KCNIP1: variants seen among roughly 807,000 people sequenced by gnomAD.
KCNIP1 encodes potassium voltage-gated channel interacting protein 1.
Under a neutral mutation model 33.0 loss-of-function variants are expected in KCNIP1, and 18 were observed. That is an observed-to-expected ratio of 0.55 (90% CI 0.38 to 0.81). The LOEUF (loss-of-function observed/expected upper bound fraction) is 0.81, where lower values mean the gene tolerates loss of function less well. Among genes scored for constraint, KCNIP1 ranks in the 30% least tolerant of loss-of-function variants. The pLI is 0.00. For missense variants in KCNIP1, 238 were observed against 271.6 expected (o/e 0.88, Z 0.87); for synonymous variants, 93 against 98.3 (o/e 0.95, Z 0.32).
At chr5:170,596,191 G>A (rs1758433792) in intron 1 of KCNIP1, among the ~76,000 whole-genome samples, 1 of 152,162 alleles carries the variant, frequency 6.6e-6, no homozygotes, top group African/African-American at 2.4e-5. Flanking sequence ...ACTAATTCTA[G>A]AAGAATAGAA....
At chr5:170,364,730 CAAT>C (rs1763611523) in intron 1 of KCNIP1, among the ~76,000 whole-genome samples, 1 of 152,164 alleles carries the variant, frequency 6.6e-6, no homozygotes, top group Non-Finnish European at 1.5e-5. Context: ...ACTGCTCCTG[CAAT>C]AATATTACAC....
chr5:170,643,525 A>AC (rs1468817598), intron 1 of KCNIP1, among the ~76,000 whole-genome samples: 28 of 151,734 alleles, frequency 1.8e-4, no homozygotes, highest in Admixed American at 1.6e-3. Flanking sequence ...TTACCCACTC[A>AC]CCCCCCAAGC....
At chr5:170,563,680 G>A (rs1319995586) in intron 1 of KCNIP1, among the ~76,000 whole-genome samples, 1 of 151,592 alleles carries the variant, frequency 6.6e-6, no homozygotes, top group African/African-American at 2.4e-5. Context: ...CACTCTTGTT[G>A]CCCAGGCTGG....
In KCNIP1 at chr5:170,659,667, A is replaced by G. The variant is rs574008119; in HGVS notation, c.62-59091A>G. ...CAGAGGCAGTGAGGAGTTAACATGC[A>G]CAGCTCAGGGAATATTCTGCTTTTT... On this transcript the variant is annotated intron_variant, in intron 1 of 7. Transcript: ENST00000328939. Among the ~76,000 whole-genome samples the G allele has an allele frequency of 2.1e-4, 32 of 152,318 alleles. No individual in the cohort carries two copies. The South Asian group carries it at 6.6e-3, about 32-fold the overall frequency.
chr5:170,697,771 A>G (rs1057503042), intron 1 of KCNIP1, among the ~76,000 whole-genome samples: 18 of 152,142 alleles, frequency 1.2e-4, no homozygotes, highest in Admixed American at 7.9e-4. Context: ...TAATGAACAT[A>G]AAGCTCTCAG....
chr5:170,475,173 A>G (rs1275435665), intron 1 of KCNIP1, among the ~76,000 whole-genome samples: 1 of 152,160 alleles, frequency 6.6e-6, no homozygotes, highest in Non-Finnish European at 1.5e-5. Flanking sequence ...GGTGCATTTT[A>G]CAATCCCCTT....
intron 1 of KCNIP1, chr5:170,383,651 A>G: frequency 6.2e-7 from 1 of 1,612,930 alleles, no homozygotes; most frequent in Non-Finnish European, 8.5e-7. Context: ...GGATAAAGGG[A>G]TGTGTCCCCA....
chr5:170,570,312 A>G (rs937980485), intron 1 of KCNIP1, among the ~76,000 whole-genome samples: 2 of 152,222 alleles, frequency 1.3e-5, no homozygotes, highest in African/African-American at 2.4e-5. Context: ...TTTCATAATA[A>G]TCATCTTAAT....
At chr5:170,461,915 A>G (rs1581214183) in intron 1 of KCNIP1, among the ~76,000 whole-genome samples, 4 of 152,202 alleles carry the variant, frequency 2.6e-5, no homozygotes, top group Admixed American at 1.3e-4. Flanking sequence ...AGCCACATGT[A>G]GGAGAATGAA....
At chr5:170,640,456 G>T (rs890644528) in intron 1 of KCNIP1, among the ~76,000 whole-genome samples, 11 of 152,316 alleles carry the variant, frequency 7.2e-5, no homozygotes, top group Admixed American at 6.5e-5. Context: ...TCAGCCTTTG[G>T]TTTGGGCTGT....
chr5:170,593,615 T>C (rs902743417), intron 1 of KCNIP1, among the ~76,000 whole-genome samples: 37 of 152,332 alleles, frequency 2.4e-4, no homozygotes, highest in African/African-American at 8.7e-4. Flanking sequence ...TTAGAAGTAT[T>C]CAAGGGAGAA....
At chr5:170,647,131 A>G (rs1357270950) in intron 1 of KCNIP1, among the ~76,000 whole-genome samples, 1 of 152,190 alleles carries the variant, frequency 6.6e-6, no homozygotes, top group East Asian at 1.9e-4. Context: ...AATGAAGAGT[A>G]TTCCATGTTT....
Position 170,704,494 on chromosome 5 carries a change from G to A in KCNIP1, c.62-14264G>A, listed in dbSNP as rs372931204. On this transcript the variant is annotated intron_variant, in intron 1 of 7. Coordinates refer to ENST00000328939, the MANE Select transcript of KCNIP1 (RefSeq NM_014592.4). ...TGTGAAAGTACTCTGTAAAGTATAA[G>A]GCTGAAATGTACTGGGCTCAGAATT... 5.9e-4 allele frequency among the ~76,000 whole-genome samples: 89 copies of A among 151,832 alleles called. 7 individuals carry two copies. The South Asian group carries it at 0.017, about 28-fold the overall frequency.
intron 1 of KCNIP1, among the ~76,000 whole-genome samples, chr5:170,466,131 T>A (rs532431545): frequency 6.6e-6 from 1 of 152,098 alleles, no homozygotes; most frequent in South Asian, 2.1e-4. Flanking sequence ...TTAAGAGAGA[T>A]TTCTAAATTA....
intron 1 of KCNIP1, among the ~76,000 whole-genome samples, chr5:170,533,108 A>G (rs1174425431): frequency 6.6e-6 from 1 of 152,194 alleles, no homozygotes; most frequent in Non-Finnish European, 1.5e-5. Context: ...GACAAGCAGC[A>G]TCTTCTTTGT....
At chr5:170,732,537 C>A (rs1214763241) in intron 5 of KCNIP1, among the ~76,000 whole-genome samples, 3 of 152,124 alleles carry the variant, frequency 2.0e-5, no homozygotes, top group Non-Finnish European at 2.9e-5. Flanking sequence ...AATCACCCCC[C>A]ACTGAAGACA....
intron 1 of KCNIP1, among the ~76,000 whole-genome samples, chr5:170,707,576 T>A (rs565456056): frequency 4.1e-4 from 62 of 152,334 alleles, no homozygotes; most frequent in African/African-American, 1.4e-3. Flanking sequence ...GACCATTAAT[T>A]TCCACCATCG....
At chr5:170,353,546 A>G (rs2113272706) in exon 1 of KCNIP1, 1 of 421,098 alleles carries the variant, frequency 2.4e-6, no homozygotes, top group East Asian at 4.5e-5. Context: ...GCTCTGCTCA[A>G]CTTCACTCTC....
At chr5:170,715,147 A>G (rs537510016) in intron 1 of KCNIP1, among the ~76,000 whole-genome samples, 1 of 152,174 alleles carries the variant, frequency 6.6e-6, no homozygotes, top group Non-Finnish European at 1.5e-5. Flanking sequence ...AATACTTACC[A>G]TTGTGTTACA....
Sources: gnomAD v4.1 joint callset for allele counts (sites outside exome capture counted in the v4.1 genomes callset) on GRCh38, gnomAD v4.1.1 for gene constraint, MANE v1.5 for transcripts, NCBI Gene and HGNC (gene_info 2026-07-23, HGNC 2026-07-21) for gene names.